Variants in SYNE3 observed in about 807,000 individuals in gnomAD.
The protein encoded by SYNE3 is nesprin-3.
SYNE3 carries 100 observed loss-of-function variants against 111.2 expected under a neutral mutation model. That is an observed-to-expected ratio of 0.90 (90% CI 0.77 to 1.06). The LOEUF (loss-of-function observed/expected upper bound fraction) is 1.06, where lower values mean the gene tolerates loss of function less well. Among genes scored for constraint, SYNE3 ranks in the 50% least tolerant of loss-of-function variants. The pLI is 0.00. For missense variants in SYNE3, 1,160 were observed against 1,240.3 expected, an observed-to-expected ratio of 0.94 and a Z score of 0.97; for synonymous variants, 547 against 533.9, an observed-to-expected ratio of 1.02 and a Z score of -0.34.
At chr14:95,424,159 G>C (rs1028059691) in intron 17 of SYNE3, among the ~76,000 whole-genome samples, 4 of 152,020 alleles carry the variant, frequency 2.6e-5, no homozygotes, top group African/African-American at 7.3e-5. Context: ...AACCACAGGC[G>C]TGGAAGGAGG....
At chr14:95,467,452 C>T (rs978784192) in intron 3 of SYNE3, among the ~76,000 whole-genome samples, 1 of 152,140 alleles carries the variant, frequency 6.6e-6, no homozygotes, top group Admixed American at 6.5e-5. Context: ...GGCCAACCAC[C>T]ACCCAGCTTC....
intron 1 of SYNE3, among the ~76,000 whole-genome samples, chr14:95,496,720 T>G (rs1377098846): frequency 6.6e-6 from 1 of 152,244 alleles, no homozygotes; most frequent in East Asian, 1.9e-4. Flanking sequence ...GAATATTCTA[T>G]GGAGTGAAGG....
rs1903552765 is a variant in SYNE3, at chr14:95,415,501, A to G, written c.*2325T>C. The G allele has an allele frequency of 6.6e-6, 1 of 152,156 alleles. No individual in the cohort carries two copies. Among genetic ancestry groups the G allele is most frequent in the Non-Finnish European group, 1.5e-5 (1 of 68,034 alleles). The allele number at this position is 152,156 out of a possible 1,614,324, so 9.4% of individuals were successfully genotyped here. A position where few individuals can be genotyped will look rare whatever the true frequency, so the allele number is the denominator to read the frequency against. ...GGAAACCAAGTCACAGGGTTGTAGG[A>G]TCTACTTTTTGAACTTTTCATCCCC... On this transcript the variant is annotated 3_prime_UTR_variant, in exon 18 of 18. Transcript: ENST00000682763.
chr14:95,495,317 C>T (rs1161797801), intron 1 of SYNE3, among the ~76,000 whole-genome samples: 2 of 152,204 alleles, frequency 1.3e-5, no homozygotes, highest in Non-Finnish European at 2.9e-5. Context: ...TTGGACAATG[C>T]TGTTTGACAG....
In SYNE3 at chr14:95,411,413, T is replaced by C. The variant is rs1903432559; in HGVS notation, c.*6413A>G. 6.6e-6 allele frequency: 1 copy of C among 152,092 alleles called. No individual in the cohort carries two copies. Among genetic ancestry groups the C allele is most frequent in the South Asian group, 2.1e-4 (1 of 4,828 alleles). 9.4% of individuals were successfully genotyped at this position (152,092 alleles called of 1,614,324 possible). On this transcript the variant is annotated 3_prime_UTR_variant, in exon 18 of 18. Transcript: ENST00000682763. The stretch of plus-strand genomic sequence containing the variant: ...TGTAAGGATGTCAAACAGGTTTTGC[T>C]CACATAAGAAAATGATTGATTGGCA...
intron 17 of SYNE3, among the ~76,000 whole-genome samples, chr14:95,420,752 A>G (rs935193085): frequency 6.6e-6 from 1 of 152,156 alleles, no homozygotes; most frequent in Admixed American, 6.5e-5. Flanking sequence ...AGACACACAC[A>G]TACACACAAC....
intron 6 of SYNE3, among the ~76,000 whole-genome samples, 183 bp downstream of exon 6, chr14:95,455,194 A>G (rs193278005): frequency 1.8e-4 from 28 of 152,300 alleles, no homozygotes; most frequent in African/African-American, 6.5e-4. Context: ...CATCTAGAAA[A>G]TGGGGATAAA....
intron 17 of SYNE3, among the ~76,000 whole-genome samples, chr14:95,420,147 T>G (rs757366955): frequency 6.7e-6 from 1 of 149,394 alleles, no homozygotes; most frequent in East Asian, 2.0e-4. Flanking sequence ...ATTATAACCA[T>G]GAATAAGTAC....
At chr14:95,436,717 T>C (rs1428194134) in intron 15 of SYNE3, 103 bp downstream of exon 15, 1 of 1,360,482 alleles carries the variant, frequency 7.4e-7, no homozygotes, top group Non-Finnish European at 1.0e-6. Flanking sequence ...GGAGAACAGC[T>C]CACAAACTGT....
chr14:95,428,070 A>G (rs753367179), intron 17 of SYNE3, among the ~76,000 whole-genome samples: 10 of 152,224 alleles, frequency 6.6e-5, no homozygotes, highest in Non-Finnish European at 1.5e-4. Flanking sequence ...GCCCACATCA[A>G]TATGGGGGAC....
At chr14:95,424,632 G>A (rs1248844233) in intron 17 of SYNE3, among the ~76,000 whole-genome samples, 8 of 152,194 alleles carry the variant, frequency 5.3e-5, no homozygotes, top group Admixed American at 2.0e-4. Context: ...CCTGATAAGA[G>A]GCACAAGTAA....
intron 4 of SYNE3, among the ~76,000 whole-genome samples, chr14:95,462,173 G>A (rs1222637213): frequency 6.6e-6 from 1 of 152,132 alleles, no homozygotes; most frequent in South Asian, 2.1e-4. Context: ...CATACCTTCT[G>A]AATACAAGAT....
intron 17 of SYNE3, among the ~76,000 whole-genome samples, chr14:95,419,106 C>T (rs774376174): frequency 9.2e-5 from 14 of 152,212 alleles, no homozygotes; most frequent in South Asian, 4.1e-4. Context: ...TCTGGAGGGA[C>T]TGGCCAGGTT....
At chr14:95,515,203 C>T (rs1330087126) in intron 1 of SYNE3, among the ~76,000 whole-genome samples, 1 of 152,224 alleles carries the variant, frequency 6.6e-6, no homozygotes. Flanking sequence ...AGGGGCCTCT[C>T]TGGTTGAAAA....
chr14:95,447,744 G>A (rs1886805046), intron 8 of SYNE3, among the ~76,000 whole-genome samples: 1 of 152,170 alleles, frequency 6.6e-6, no homozygotes, highest in Non-Finnish European at 1.5e-5. Flanking sequence ...TGGGAGTTAA[G>A]AGTTTAGGCT....
intron 17 of SYNE3, among the ~76,000 whole-genome samples, chr14:95,426,943 C>CAAAAAAAA (rs574423106): frequency 9.5e-6 from 1 of 104,890 alleles, no homozygotes; most frequent in Non-Finnish European, 1.8e-5. Flanking sequence ...GACTCCATCT[C>CAAAAAAAA]AAAAAAAAAA....
At chr14:95,469,047 C>T (rs1226532356) in intron 2 of SYNE3, among the ~76,000 whole-genome samples, 1 of 152,156 alleles carries the variant, frequency 6.6e-6, no homozygotes, top group African/African-American at 2.4e-5. Context: ...GCACGCTGCC[C>T]AGCCCACACC....
In SYNE3 at chr14:95,455,559, C is replaced by T; in HGVS notation, c.955G>A (p.Glu319Lys). 1.2e-6 allele frequency: 2 copies of T among 1,614,100 alleles called. No individual in the cohort carries two copies. Among genetic ancestry groups the T allele is most frequent in the Non-Finnish European group, 1.7e-6 (2 of 1,179,984 alleles). ...AGCAGGCCCCGCAGCCGCTCCTCCT[C>T]CTCCTCCCAGAGGGCGCGCAGCTTC... is the stretch of plus-strand genomic sequence containing the variant. ...LEKLRALWEE[E>K]EERLRGLLRS... Residue 319 changes from glutamate (E) to lysine (K), a missense_variant, in exon 6 of 18, where the codon GAG (glutamate) becomes AAG (lysine). By Grantham distance (56) the Glu-to-Lys change is moderately conservative. Transcript: ENST00000682763.
intron 17 of SYNE3, among the ~76,000 whole-genome samples, chr14:95,418,498 C>T (rs767812286): frequency 6.6e-6 from 1 of 152,220 alleles, no homozygotes; most frequent in Non-Finnish European, 1.5e-5. Context: ...CCATCTAAAT[C>T]TTCGTCATCA....
Sources: allele counts gnomAD v4.1 joint callset (sites outside exome capture counted in the v4.1 genomes callset), GRCh38; gene constraint gnomAD v4.1.1; transcripts MANE v1.5; gene names NCBI Gene and HGNC (gene_info 2026-07-23, HGNC 2026-07-21).